SLC24A2: variants seen among roughly 807,000 people sequenced by gnomAD.
SLC24A2 encodes sodium/potassium/calcium exchanger 2.
A neutral mutation model predicts 62.0 loss-of-function variants in SLC24A2; 36 were observed. The ratio of observed to expected loss-of-function variants is 0.58; its 90% CI spans 0.44 to 0.77. The LOEUF (loss-of-function observed/expected upper bound fraction) is 0.77. Among genes scored for constraint, SLC24A2 ranks in the 30% least tolerant of loss-of-function variants. SLC24A2 has a pLI of 0.00. For missense variants in SLC24A2, 846 were observed against 817.9 expected, an observed-to-expected ratio of 1.03 and a Z score of -0.42; for synonymous variants, 358 against 294.0, an observed-to-expected ratio of 1.22 and a Z score of -2.23.
chr9:19,528,783 G>A (rs1024773700), intron 8 of SLC24A2, among the ~76,000 whole-genome samples: 15 of 152,104 alleles, frequency 9.9e-5, no homozygotes, highest in African/African-American at 2.7e-4. Flanking sequence ...AGGCAGAAGC[G>A]CCCAATTGTA....
At chr9:20,147,896 C>T in the SLC24A2 span, among the ~76,000 whole-genome samples, 1 of 152,096 alleles carries the variant, frequency 6.6e-6, no homozygotes, top group South Asian at 2.1e-4. Context: ...GATAATAACA[C>T]TTGCCTTCTC....
the SLC24A2 span, among the ~76,000 whole-genome samples, chr9:20,149,859 G>A: frequency 6.6e-6 from 1 of 152,012 alleles, no homozygotes; most frequent in East Asian, 1.9e-4. Context: ...CACTACAGAG[G>A]AGGTTAGCTA....
At chr9:20,123,332 C>T in the SLC24A2 span, among the ~76,000 whole-genome samples, 7 of 152,164 alleles carry the variant, frequency 4.6e-5, no homozygotes, top group Non-Finnish European at 8.8e-5. Context: ...AGGATTTCAA[C>T]ATATAATTTT....
At chr9:19,833,368 A>G in the SLC24A2 span, among the ~76,000 whole-genome samples, 1 of 151,920 alleles carries the variant, frequency 6.6e-6, no homozygotes, top group Non-Finnish European at 1.5e-5. Context: ...AAATTGGGTC[A>G]CTCCCACCCT....
the SLC24A2 span, among the ~76,000 whole-genome samples, chr9:19,937,848 G>T: frequency 6.6e-6 from 1 of 152,146 alleles, no homozygotes; most frequent in Non-Finnish European, 1.5e-5. Flanking sequence ...TAGGTGAAAT[G>T]TTGTATTTCT....
rs1832680388 is a variant in SLC24A2 at position 19,510,575 on chromosome 9, G to A, written c.*5578C>T. ...CAGCATCTATGCTGGGATCTCCCCC[G>A]TAAGAGGACTGTCCTTTGGATTAGC... On this transcript the variant is annotated 3_prime_UTR_variant, in exon 11 of 11. Coordinates refer to ENST00000341998, the MANE Select transcript of SLC24A2 (RefSeq NM_020344.4). The A allele has an allele frequency of 6.6e-6, 1 of 152,058 alleles. No individual in the cohort carries two copies. Among genetic ancestry groups the A allele is most frequent in the African/African-American group, 2.4e-5 (1 of 41,412 alleles). 9.4% of individuals were successfully genotyped at this position (152,058 alleles called of 1,614,324 possible).
the SLC24A2 span, among the ~76,000 whole-genome samples, chr9:19,955,839 T>G: frequency 6.6e-6 from 1 of 152,202 alleles, no homozygotes; most frequent in Non-Finnish European, 1.5e-5. Flanking sequence ...TACTATCTTC[T>G]TTTCTTAAAA....
At chr9:19,781,139 G>C (rs1390449495) in intron 2 of SLC24A2, among the ~76,000 whole-genome samples, 1 of 152,164 alleles carries the variant, frequency 6.6e-6, no homozygotes, top group African/African-American at 2.4e-5. Flanking sequence ...CTGGTTACTA[G>C]AGACTTACCT....
At chr9:20,140,911 T>A in the SLC24A2 span, among the ~76,000 whole-genome samples, 1 of 152,182 alleles carries the variant, frequency 6.6e-6, no homozygotes, top group Non-Finnish European at 1.5e-5. Context: ...ACCGCTCACC[T>A]GCTTTCCCTC....
At chr9:20,011,380 A>G in the SLC24A2 span, among the ~76,000 whole-genome samples, 1 of 152,092 alleles carries the variant, frequency 6.6e-6, no homozygotes, top group Non-Finnish European at 1.5e-5. Context: ...GCATTTTTTC[A>G]TGTGTCTTTT....
intron 7 of SLC24A2, among the ~76,000 whole-genome samples, chr9:19,552,681 T>G (rs1367762338): frequency 6.6e-6 from 1 of 152,192 alleles, no homozygotes; most frequent in East Asian, 1.9e-4. Flanking sequence ...AGCTAACCTT[T>G]TTCTGATAAA....
At chr9:19,720,319 C>T (rs1820985276) in intron 2 of SLC24A2, among the ~76,000 whole-genome samples, 1 of 152,102 alleles carries the variant, frequency 6.6e-6, no homozygotes, top group Non-Finnish European at 1.5e-5. Flanking sequence ...CCCCACAAAA[C>T]CCAACCACAC....
the SLC24A2 span, among the ~76,000 whole-genome samples, chr9:19,933,139 A>G: frequency 6.6e-6 from 1 of 152,158 alleles, no homozygotes; most frequent in Non-Finnish European, 1.5e-5. Context: ...TGGGCCAAAA[A>G]AGGAGGAAGC....
the SLC24A2 span, among the ~76,000 whole-genome samples, chr9:20,043,112 T>C: frequency 6.6e-6 from 1 of 152,106 alleles, no homozygotes; most frequent in Non-Finnish European, 1.5e-5. Context: ...AAGCCACAAA[T>C]GATTAAGCTT....
At chr9:19,988,668 G>A in the SLC24A2 span, among the ~76,000 whole-genome samples, 2 of 152,326 alleles carry the variant, frequency 1.3e-5, no homozygotes, top group East Asian at 3.9e-4. Flanking sequence ...CAAGCTTGAA[G>A]GGACAGGGAA....
chr9:19,980,893 G>A, the SLC24A2 span, among the ~76,000 whole-genome samples: 1 of 152,108 alleles, frequency 6.6e-6, no homozygotes, highest in Non-Finnish European at 1.5e-5. Flanking sequence ...TGTATATTAC[G>A]ACTTCAATCC....
chr9:20,009,792 C>T, the SLC24A2 span, among the ~76,000 whole-genome samples: 1 of 152,118 alleles, frequency 6.6e-6, no homozygotes, highest in Non-Finnish European at 1.5e-5. Context: ...ACTCCAGCTG[C>T]AGCATGATTA....
chr9:20,302,816 C>A, the SLC24A2 span, among the ~76,000 whole-genome samples: 2 of 152,116 alleles, frequency 1.3e-5, no homozygotes, highest in African/African-American at 2.4e-5. Flanking sequence ...AGGATGATAC[C>A]ACTGTGGGGC....
the SLC24A2 span, among the ~76,000 whole-genome samples, chr9:20,194,647 T>A: frequency 2.6e-5 from 4 of 152,172 alleles, no homozygotes; most frequent in African/African-American, 7.2e-5. Flanking sequence ...GAATATATTA[T>A]TAACAATATT....
Sources: gnomAD v4.1 joint callset for allele counts (sites outside exome capture counted in the v4.1 genomes callset) on GRCh38, gnomAD v4.1.1 for gene constraint, MANE v1.5 for transcripts, NCBI Gene and HGNC (gene_info 2026-07-23, HGNC 2026-07-21) for gene names.